ARHGAP6: variants seen among roughly 807,000 people sequenced by gnomAD.
The protein encoded by ARHGAP6 is rho GTPase-activating protein 6.
ARHGAP6 carries 16 observed loss-of-function variants against 55.7 expected under a neutral mutation model. The observed-to-expected ratio is 0.29, with a 90% CI of 0.19 to 0.44. The LOEUF (loss-of-function observed/expected upper bound fraction) is 0.44. Ranked by LOEUF, ARHGAP6 falls within the 20% of genes least tolerant of loss-of-function variation. The pLI is 1.00. For missense variants in ARHGAP6, 698 were observed against 808.9 expected, an observed-to-expected ratio of 0.86 and a Z score of 1.66; for synonymous variants, 382 against 360.9, an observed-to-expected ratio of 1.06 and a Z score of -0.66.
intron 1 of ARHGAP6, chrX:11,427,508 T>C (rs1389639072): frequency 1.1e-6 from 1 of 935,903 alleles, no homozygotes; most frequent in Admixed American, 3.4e-5. Flanking sequence ...AGCGGCCCAG[T>C]GGCGCCCCCT....
chrX:11,203,877 T>C (rs1472974984), intron 2 of ARHGAP6, among the ~76,000 whole-genome samples: 1 of 111,970 alleles, frequency 8.9e-6, no homozygotes, highest in Non-Finnish European at 1.9e-5. Flanking sequence ...TCTTCATCTG[T>C]AAAATATCTT....
chrX:11,608,389 C>T (rs1452440537), intron 1 of ARHGAP6, among the ~76,000 whole-genome samples: 1 of 111,568 alleles, frequency 9.0e-6, no homozygotes, highest in East Asian at 2.8e-4. Context: ...AAAATAGGTG[C>T]CTAGTAAACT....
At chrX:11,193,421 A>AC (rs1295813991) in intron 3 of ARHGAP6, among the ~76,000 whole-genome samples, 1 of 112,600 alleles carries the variant, frequency 8.9e-6, no homozygotes, top group South Asian at 3.6e-4. Flanking sequence ...CCAGACCGGC[A>AC]CCCCGTCCTC....
At chrX:11,466,811 G>A (rs1452517323) in intron 1 of ARHGAP6, among the ~76,000 whole-genome samples, 2 of 111,953 alleles carry the variant, frequency 1.8e-5, no homozygotes, top group African/African-American at 3.2e-5. Context: ...AACACAAGGG[G>A]CATTTTTAAA....
intron 1 of ARHGAP6, among the ~76,000 whole-genome samples, chrX:11,603,049 C>T (rs1457579521): frequency 8.9e-6 from 1 of 112,046 alleles, no homozygotes; most frequent in African/African-American, 3.2e-5. Context: ...TTTTCGTCAG[C>T]ATGGCATTGA....
At chrX:11,216,341 G>A (rs970128380) in intron 2 of ARHGAP6, among the ~76,000 whole-genome samples, 1 of 112,037 alleles carries the variant, frequency 8.9e-6, no homozygotes, top group Non-Finnish European at 1.9e-5. Context: ...TTGCCTGTCA[G>A]ATAACGTCTT....
chrX:11,592,339 G>A (rs2051845333), intron 1 of ARHGAP6, among the ~76,000 whole-genome samples: 1 of 111,987 alleles, frequency 8.9e-6, no homozygotes, highest in Non-Finnish European at 1.9e-5. Context: ...GAAACTTGTT[G>A]TGGTTCTTTG....
rs1430432351 is a variant in ARHGAP6, at chrX:11,594,690, A to T, written c.588+69551T>A. Among the ~76,000 whole-genome samples the T allele has an allele frequency of 5.4e-5, 6 of 111,822 alleles. 1 individual carries two copies. The highest frequency in any genetic ancestry group is 9.5e-5 in the Admixed American group (1 of 10,553). Reference sequence around the variant, plus strand: ...AATGCCTGATGATTTGAGGTGGAACAGTTTCATCCTGAAACCACCCCACCA... The same window carrying T: ...AATGCCTGATGATTTGAGGTGGAACTGTTTCATCCTGAAACCACCCCACCA... On this transcript the variant is annotated intron_variant, in intron 1 of 12. Coordinates refer to ENST00000337414, the MANE Select transcript of ARHGAP6 (RefSeq NM_013427.3).
intron 1 of ARHGAP6, among the ~76,000 whole-genome samples, chrX:11,378,930 G>A (rs1002127692): frequency 1.8e-5 from 2 of 112,239 alleles, no homozygotes; most frequent in African/African-American, 3.2e-5. Context: ...TTCTCTTCAC[G>A]GTTTTATCAA....
intron 4 of ARHGAP6, among the ~76,000 whole-genome samples, chrX:11,188,145 C>G (rs1205145115): frequency 8.9e-6 from 1 of 112,215 alleles, no homozygotes. Flanking sequence ...CAATCACCAA[C>G]CAGTTTGCAT....
intron 1 of ARHGAP6, among the ~76,000 whole-genome samples, chrX:11,508,700 C>T (rs1276291511): frequency 9.1e-6 from 1 of 109,578 alleles, no homozygotes; most frequent in African/African-American, 3.3e-5. Flanking sequence ...TGTATGCCTC[C>T]TGTGCTTGGC....
chrX:11,293,730 G>A (rs996230431), intron 1 of ARHGAP6, among the ~76,000 whole-genome samples: 3 of 111,491 alleles, frequency 2.7e-5, no homozygotes, highest in Admixed American at 1.9e-4. Context: ...ATTAATTATC[G>A]ATTAAAGTAA....
intron 1 of ARHGAP6, among the ~76,000 whole-genome samples, chrX:11,591,860 A>G (rs1412099876): frequency 2.7e-5 from 3 of 112,206 alleles, no homozygotes; most frequent in Non-Finnish European, 3.8e-5. Flanking sequence ...CTAAAAATTC[A>G]TAGAAAAAGA....
chrX:11,176,125 A>T (rs2046209584), intron 8 of ARHGAP6, among the ~76,000 whole-genome samples: 1 of 98,556 alleles, frequency 1.0e-5, no homozygotes, highest in South Asian at 5.5e-4. Context: ...CCTTAAGTGG[A>T]AGCTCTCTGT....
chrX:11,412,933 A>G (rs1193063482), intron 1 of ARHGAP6, among the ~76,000 whole-genome samples: 1 of 112,372 alleles, frequency 8.9e-6, no homozygotes, highest in Non-Finnish European at 1.9e-5. Flanking sequence ...GCCATAAAAC[A>G]CAACACTCTT....
chrX:11,478,662 A>G (rs2147835165), intron 1 of ARHGAP6, among the ~76,000 whole-genome samples: 1 of 111,785 alleles, frequency 8.9e-6, no homozygotes, highest in Admixed American at 9.5e-5. Flanking sequence ...GTTTTACTAA[A>G]TTGTGCCTTG....
intron 1 of ARHGAP6, among the ~76,000 whole-genome samples, chrX:11,400,258 AG>A (rs1569329578): frequency 9.0e-6 from 1 of 111,568 alleles, no homozygotes; most frequent in Non-Finnish European, 1.9e-5. Context: ...AACATGCAAA[AG>A]ATGCATCACT....
At chrX:11,561,371 C>A (rs2051382745) in intron 1 of ARHGAP6, among the ~76,000 whole-genome samples, 1 of 111,921 alleles carries the variant, frequency 8.9e-6, no homozygotes, top group Admixed American at 9.5e-5. Context: ...ACAAATTATG[C>A]AGTATAATTT....
chrX:11,634,835 G>T (rs1008300827), intron 1 of ARHGAP6, among the ~76,000 whole-genome samples: 1 of 111,985 alleles, frequency 8.9e-6, no homozygotes, highest in African/African-American at 3.2e-5. Flanking sequence ...CAAAGATTTT[G>T]TGGGTCAAGA....
Sources: allele counts gnomAD v4.1 joint callset (sites outside exome capture counted in the v4.1 genomes callset), GRCh38; gene constraint gnomAD v4.1.1; transcripts MANE v1.5; gene names NCBI Gene and HGNC (gene_info 2026-07-23, HGNC 2026-07-21).